The following HIVEP2 variants were observed in gnomAD, a reference collection of about 807,000 sequenced individuals.
HIVEP2 encodes the protein transcription factor HIVEP2.
In HIVEP2, 14 loss-of-function variants were observed where a neutral mutation model predicts 180.7. The observed-to-expected ratio is 0.08, with a 90% CI of 0.05 to 0.12. The LOEUF is 0.12. HIVEP2 is among the 10% of genes least tolerant of loss of function. The pLI is 1.00. For missense variants in HIVEP2, 2,579 were observed against 3,008.5 expected (o/e 0.86, Z 3.34); for synonymous variants, 1,184 against 1,136.4 (o/e 1.04, Z -0.84).
At chr6:142,862,177 G>C (rs925536611) in intron 1 of HIVEP2, among the ~76,000 whole-genome samples, 1 of 151,906 alleles carries the variant, frequency 6.6e-6, no homozygotes, top group African/African-American at 2.4e-5. Flanking sequence ...TACCCAAAAC[G>C]TGTGTTTGAC....
chr6:142,930,601 C>T (rs1289461412), intron 1 of HIVEP2, among the ~76,000 whole-genome samples: 1 of 152,156 alleles, frequency 6.6e-6, no homozygotes, highest in East Asian at 1.9e-4. Context: ...TGTATCATCA[C>T]CTCGTACCTT....
At chr6:142,928,752 G>T (rs1318024756) in intron 1 of HIVEP2, among the ~76,000 whole-genome samples, 1 of 152,162 alleles carries the variant, frequency 6.6e-6, no homozygotes, top group East Asian at 1.9e-4. Flanking sequence ...TCTCCACTCA[G>T]TTCAGGACTA....
chr6:142,938,855 T>C (rs1778112376), intron 1 of HIVEP2, among the ~76,000 whole-genome samples: 4 of 152,158 alleles, frequency 2.6e-5, no homozygotes, highest in East Asian at 1.9e-4. Context: ...AAGCACTGCA[T>C]TTCAAATACA....
Position 142,771,411 on chromosome 6 carries a change from G to T in HIVEP2, c.3328C>A (p.His1110Asn), listed in dbSNP as rs1319315056. The change falls in exon 5 of 10, where the codon CAC (histidine) becomes AAC (asparagine). Residue 1110 changes from histidine to asparagine, a missense_variant. Coordinates refer to ENST00000367603, the MANE Select transcript of HIVEP2 (RefSeq NM_006734.4). The surrounding 1 kb of genome is among the most constrained non-coding windows in gnomAD (Gnocchi z 5.4). ...DQSVKQEQLEHLHAGLRSGWH... is the reference protein window; with the variant it reads ...DQSVKQEQLENLHAGLRSGWH... Reference sequence around the variant, plus strand: ...CCGGACCGGAGGCCAGCATGCAGGTGCTCCAGCTGCTCTTGCTTCACGCTC... The same window carrying T: ...CCGGACCGGAGGCCAGCATGCAGGTTCTCCAGCTGCTCTTGCTTCACGCTC... 6.2e-7 allele frequency: 1 copy of T among 1,613,344 alleles called. No homozygotes were observed. Among genetic ancestry groups the T allele is most frequent in the Non-Finnish European group, 8.5e-7 (1 of 1,180,002 alleles).
chr6:142,915,170 C>G (rs1777520892), intron 1 of HIVEP2, among the ~76,000 whole-genome samples: 1 of 152,168 alleles, frequency 6.6e-6, no homozygotes, highest in Non-Finnish European at 1.5e-5. Context: ...CTTGAATCCT[C>G]TTGTTATGTG....
At chr6:142,835,711 G>A (rs542845609) in intron 2 of HIVEP2, among the ~76,000 whole-genome samples, 4 of 152,166 alleles carry the variant, frequency 2.6e-5, no homozygotes, top group East Asian at 1.9e-4. Context: ...TGAACCTTAC[G>A]GGCCAAATGA....
intron 2 of HIVEP2, among the ~76,000 whole-genome samples, chr6:142,790,811 C>A (rs889259993): frequency 9.9e-5 from 15 of 152,188 alleles, no homozygotes; most frequent in African/African-American, 2.9e-4. Context: ...GAGGGAAGAT[C>A]CTCCTGCATC....
chr6:142,843,630 T>G (rs1240047008), intron 1 of HIVEP2, among the ~76,000 whole-genome samples: 1 of 152,192 alleles, frequency 6.6e-6, no homozygotes, highest in African/African-American at 2.4e-5. Flanking sequence ...ATAGATATTA[T>G]CATTGGAAGC....
intron 1 of HIVEP2, among the ~76,000 whole-genome samples, chr6:142,842,746 A>T (rs557890371): frequency 1.1e-3 from 172 of 152,306 alleles, no homozygotes; most frequent in African/African-American, 4.0e-3. Context: ...TTAAGTGAAA[A>T]AAAAAAAGTA....
In HIVEP2 at chr6:142,753,337, G is replaced by A. The variant is rs1322609431; in HGVS notation, c.7111C>T (p.His2371Tyr). Reference protein sequence around the residue: ...PLGSAHVSIRHFSRPEPGQPC... With the variant: ...PLGSAHVSIRYFSRPEPGQPC... Reference sequence around the variant, plus strand: ...TGACCTGGCTCAGGTCTACTAAAGTGTCTAATGCTAACATGTGCACTTCCC... The same window carrying A: ...TGACCTGGCTCAGGTCTACTAAAGTATCTAATGCTAACATGTGCACTTCCC... Residue 2371 changes from histidine to tyrosine, a missense_variant, in exon 10 of 10, where the codon CAC becomes TAC. Physicochemically the swap from His to Tyr is moderately conservative, Grantham distance 83. Transcript: ENST00000367603. 13 of 1,614,198 alleles carry A rather than the reference G, an allele frequency of 8.1e-6. No homozygotes were observed. Among genetic ancestry groups the A allele is most frequent in the East Asian group, 2.2e-5 (1 of 44,880 alleles).
intron 2 of HIVEP2, among the ~76,000 whole-genome samples, chr6:142,824,137 C>T (rs1406928020): frequency 6.6e-6 from 1 of 151,846 alleles, no homozygotes; most frequent in Non-Finnish European, 1.5e-5. Flanking sequence ...CATGTTGACA[C>T]CTTAGTATAT....
chr6:142,828,048 T>C (rs12203402), intron 2 of HIVEP2, among the ~76,000 whole-genome samples: 3,751 of 152,364 alleles, frequency 0.025, 102 homozygotes, highest in Non-Finnish European at 0.033. Context: ...ACAGCATTCT[T>C]AAATTGCCAA....
intron 2 of HIVEP2, among the ~76,000 whole-genome samples, chr6:142,800,216 G>A (rs1251176054): frequency 1.3e-5 from 2 of 152,132 alleles, no homozygotes; most frequent in African/African-American, 4.8e-5. Context: ...ACCACATTGA[G>A]CTGCTGAAGT....
intron 1 of HIVEP2, among the ~76,000 whole-genome samples, chr6:142,838,301 A>C (rs1775277024): frequency 6.6e-6 from 1 of 152,114 alleles, no homozygotes. Flanking sequence ...ACAATTATTT[A>C]GGAAACTCAT....
chr6:142,854,363 A>C (rs1223269067), intron 1 of HIVEP2, among the ~76,000 whole-genome samples: 1 of 152,138 alleles, frequency 6.6e-6, no homozygotes, highest in Non-Finnish European at 1.5e-5. Context: ...ACCATGCTGG[A>C]GCTAAGAAAA....
At chr6:142,835,226 A>T (rs198645) in intron 2 of HIVEP2, among the ~76,000 whole-genome samples, 54,262 of 151,996 alleles carry the variant, frequency 0.36, 12,275 homozygotes, top group African/African-American at 0.64. Flanking sequence ...AACAATTGTT[A>T]CAAAGCACAG....
chr6:142,831,360 T>C (rs141516446), intron 2 of HIVEP2, among the ~76,000 whole-genome samples: 1 of 152,292 alleles, frequency 6.6e-6, no homozygotes, highest in African/African-American at 2.4e-5. Context: ...TTTGAATTCA[T>C]GGAAGTGCCT....
intron 4 of HIVEP2, 75 bp downstream of exon 4, chr6:142,776,072 C>G (rs1012296819): frequency 6.6e-6 from 1 of 152,272 alleles, no homozygotes; most frequent in East Asian, 1.9e-4. Flanking sequence ...TGCATCTAAA[C>G]AAAACAATTA....
intron 1 of HIVEP2, among the ~76,000 whole-genome samples, chr6:142,880,773 A>G (rs1326040688): frequency 6.6e-6 from 1 of 152,070 alleles, no homozygotes; most frequent in Admixed American, 6.6e-5. Context: ...GATTCCCTCC[A>G]TCCATCAATG....
Sources: allele counts gnomAD v4.1 joint callset (sites outside exome capture counted in the v4.1 genomes callset), GRCh38; gene constraint gnomAD v4.1.1; non-coding constraint Gnocchi (gnomAD v3.1); transcripts MANE v1.5; gene names NCBI Gene and HGNC (gene_info 2026-07-23, HGNC 2026-07-21).